Variants in HS3ST4 observed in about 807,000 individuals in gnomAD.
HS3ST4 encodes the protein heparan sulfate glucosamine 3-O-sulfotransferase 4.
In HS3ST4, 17 loss-of-function variants were observed where a neutral mutation model predicts 29.2. The observed-to-expected ratio is 0.58, with a 90% confidence interval of 0.40 to 0.87. The LOEUF (loss-of-function observed/expected upper bound fraction) is 0.87. Among genes scored for constraint, HS3ST4 ranks in the 40% least tolerant of loss-of-function variants. HS3ST4 has a pLI of 0.00. For synonymous variants in HS3ST4, 314 were observed against 285.7 expected (o/e 1.10, Z -1.00); for missense variants, 627 against 634.5 (o/e 0.99, Z 0.13).
At chr16:25,800,433 T>A (rs1966922005) in intron 1 of HS3ST4, among the ~76,000 whole-genome samples, 1 of 143,118 alleles carries the variant, frequency 7.0e-6, no homozygotes, top group South Asian at 2.6e-4. Flanking sequence ...CCCCCTACTT[T>A]CTCTCCCACC....
At chr16:26,064,629 T>TA (rs1349936983) in intron 1 of HS3ST4, among the ~76,000 whole-genome samples, 1 of 149,530 alleles carries the variant, frequency 6.7e-6, no homozygotes, top group Non-Finnish European at 1.5e-5. Context: ...TTTTTTTTTT[T>TA]TTTTTGAGAC....
chr16:25,734,112 G>A (rs796313260), intron 1 of HS3ST4, among the ~76,000 whole-genome samples: 55 of 151,894 alleles, frequency 3.6e-4, no homozygotes, highest in African/African-American at 1.3e-3. Context: ...GCGAGACTCC[G>A]TCTCAAAAAA....
chr16:25,902,239 G>A (rs960395571), intron 1 of HS3ST4, among the ~76,000 whole-genome samples: 6 of 152,174 alleles, frequency 3.9e-5, no homozygotes, highest in Non-Finnish European at 5.9e-5. Flanking sequence ...ATGAAGCCCG[G>A]CATCATGGTG....
intron 1 of HS3ST4, among the ~76,000 whole-genome samples, chr16:25,715,246 C>T (rs971906599): frequency 6.7e-5 from 10 of 150,340 alleles, no homozygotes; most frequent in Admixed American, 3.3e-4. Context: ...GGCGTGAACC[C>T]GGGAAGCGGA....
chr16:25,796,569 T>A (rs1366498634), intron 1 of HS3ST4, among the ~76,000 whole-genome samples: 2 of 152,168 alleles, frequency 1.3e-5, no homozygotes, highest in Admixed American at 6.5e-5. Flanking sequence ...AAATTGTAAA[T>A]GACATTTAAC....
intron 1 of HS3ST4, among the ~76,000 whole-genome samples, chr16:25,805,869 C>T (rs558896129): frequency 3.9e-5 from 6 of 152,112 alleles, no homozygotes; most frequent in South Asian, 2.1e-4. Context: ...CCCCACTCCC[C>T]GACGGGCCCC....
At chr16:25,971,363 C>G (rs1968895152) in intron 1 of HS3ST4, among the ~76,000 whole-genome samples, 1 of 152,196 alleles carries the variant, frequency 6.6e-6, no homozygotes, top group South Asian at 2.1e-4. Context: ...TCAACTCATG[C>G]AATCTGTTTT....
chr16:25,978,560 C>G (rs1968968331), intron 1 of HS3ST4, among the ~76,000 whole-genome samples: 1 of 152,230 alleles, frequency 6.6e-6, no homozygotes. Flanking sequence ...GTCCAGAACC[C>G]AGTGTGAATA....
intron 1 of HS3ST4, among the ~76,000 whole-genome samples, chr16:25,762,637 T>C (rs1966795158): frequency 6.6e-6 from 1 of 151,330 alleles, no homozygotes; most frequent in Non-Finnish European, 1.5e-5. Context: ...GAGGCTGAGG[T>C]GGGAGGATTG....
intron 1 of HS3ST4, among the ~76,000 whole-genome samples, chr16:26,093,074 C>A (rs1898877372): frequency 6.6e-6 from 1 of 152,160 alleles, no homozygotes; most frequent in Non-Finnish European, 1.5e-5. Context: ...AGTAGGTAAA[C>A]AAAGTGGCCG....
chr16:26,086,750 C>G (rs1457279641), intron 1 of HS3ST4, among the ~76,000 whole-genome samples: 1 of 152,122 alleles, frequency 6.6e-6, no homozygotes, highest in African/African-American at 2.4e-5. Context: ...GCCTTTTGAC[C>G]CTTAATAAAT....
intron 1 of HS3ST4, among the ~76,000 whole-genome samples, chr16:26,099,721 T>C (rs1898969757): frequency 6.6e-6 from 1 of 152,100 alleles, no homozygotes; most frequent in African/African-American, 2.4e-5. Flanking sequence ...GCAGGGCAGA[T>C]AAAAATCTCT....
At chr16:25,799,868 G>A (rs1354332899) in intron 1 of HS3ST4, among the ~76,000 whole-genome samples, 3 of 151,888 alleles carry the variant, frequency 2.0e-5, no homozygotes, top group Non-Finnish European at 4.4e-5. Flanking sequence ...TTTTAGAAAT[G>A]GGTATCTCAC....
intron 1 of HS3ST4, among the ~76,000 whole-genome samples, chr16:25,942,692 C>T (rs958005986): frequency 6.6e-6 from 1 of 150,702 alleles, no homozygotes; most frequent in African/African-American, 2.4e-5. Flanking sequence ...GATTGTGGCT[C>T]ACTGCAGTCT....
intron 1 of HS3ST4, among the ~76,000 whole-genome samples, chr16:26,046,900 A>G (rs375555272): frequency 7.2e-5 from 11 of 152,288 alleles, no homozygotes; most frequent in African/African-American, 2.2e-4. Context: ...CCAACATCGC[A>G]CAACTAGTAA....
At chr16:25,775,085 G>A (rs571184350) in intron 1 of HS3ST4, among the ~76,000 whole-genome samples, 57 of 152,288 alleles carry the variant, frequency 3.7e-4, no homozygotes, top group African/African-American at 1.3e-3. Context: ...TGTATAGTTC[G>A]TGAACTGGCA....
chr16:26,022,527 T>C (rs1969424181), intron 1 of HS3ST4, among the ~76,000 whole-genome samples: 1 of 152,186 alleles, frequency 6.6e-6, no homozygotes, highest in Non-Finnish European at 1.5e-5. Flanking sequence ...GGCCACCTGC[T>C]CTACCTTTGT....
At chr16:25,990,893 T>A (rs1177320837) in intron 1 of HS3ST4, among the ~76,000 whole-genome samples, 1 of 152,230 alleles carries the variant, frequency 6.6e-6, no homozygotes, top group East Asian at 1.9e-4. Flanking sequence ...AGCGTCTCTA[T>A]AAAGTAGTGT....
chr16:25,866,464 A>G (rs966784780), intron 1 of HS3ST4, among the ~76,000 whole-genome samples: 1 of 152,212 alleles, frequency 6.6e-6, no homozygotes, highest in African/African-American at 2.4e-5. Flanking sequence ...ACTATGGAAT[A>G]CTATGCAGCC....
Sources: allele counts gnomAD v4.1 joint callset (sites outside exome capture counted in the v4.1 genomes callset), GRCh38; gene constraint gnomAD v4.1.1; transcripts MANE v1.5; gene names NCBI Gene and HGNC (gene_info 2026-07-23, HGNC 2026-07-21).